Variants in VAC14 observed in about 807,000 individuals in gnomAD.
VAC14 encodes protein VAC14 homolog.
Under a neutral mutation model 85.3 loss-of-function variants are expected in VAC14, and 47 were observed. That is an observed-to-expected ratio of 0.55 (90% CI 0.44 to 0.70). The LOEUF is 0.70. Among genes scored for constraint, VAC14 ranks in the 30% least tolerant of loss-of-function variants. VAC14 has a pLI of 0.00. For synonymous variants in VAC14, 447 were observed against 430.5 expected (o/e 1.04, Z -0.47); for missense variants, 861 against 1,004.3 (o/e 0.86, Z 1.93).
At chr16:70,697,533 G>A (rs1185162501) in intron 15 of VAC14, among the ~76,000 whole-genome samples, 1 of 152,236 alleles carries the variant, frequency 6.6e-6, no homozygotes, top group Non-Finnish European at 1.5e-5. Context: ...TGGCATGTCT[G>A]CCCTTGGCAA....
At chr16:70,799,344 G>T (rs1301482816) in intron 1 of VAC14, among the ~76,000 whole-genome samples, 1 of 152,144 alleles carries the variant, frequency 6.6e-6, no homozygotes, top group African/African-American at 2.4e-5. Context: ...CTATATAAAA[G>T]GAGCAGTCAA....
At chr16:70,786,000 C>T in intron 2 of VAC14, 131 bp from the exon 3 acceptor site, 1 of 1,338,898 alleles carries the variant, frequency 7.5e-7, no homozygotes, top group Admixed American at 2.6e-5. Flanking sequence ...GGCTCAAAGA[C>T]CCTTCCCAAG....
At chr16:70,741,761 G>A (rs1209829154) in intron 13 of VAC14, among the ~76,000 whole-genome samples, 1 of 152,234 alleles carries the variant, frequency 6.6e-6, no homozygotes, top group East Asian at 1.9e-4. Flanking sequence ...GCTGATGTGA[G>A]CTAATCTGAC....
At chr16:70,799,496 T>C (rs2034679161) in intron 1 of VAC14, among the ~76,000 whole-genome samples, 2 of 152,160 alleles carry the variant, frequency 1.3e-5, no homozygotes, top group East Asian at 3.8e-4. Flanking sequence ...AAGCAACATT[T>C]GATTTGGATT....
chr16:70,772,226 A>G, intron 9 of VAC14, 54 bp from the exon 10 acceptor site: 1 of 1,473,060 alleles, frequency 6.8e-7, no homozygotes. Flanking sequence ...TCTCTTGAAT[A>G]AACAAGACCC....
chr16:70,764,872 C>G (rs1300880273), intron 10 of VAC14, among the ~76,000 whole-genome samples: 1 of 152,202 alleles, frequency 6.6e-6, no homozygotes, highest in Non-Finnish European at 1.5e-5. Flanking sequence ...TCATCTCTGG[C>G]AGTTTCCTAG....
Position 70,689,153 on chromosome 16 carries a change from G to T in VAC14, c.2187-1063C>A, listed in dbSNP as rs999359776. The T allele has an allele frequency of 1.6e-5, 16 of 971,856 alleles. No individual in the cohort carries two copies. In the African/African-American group the frequency reaches 2.1e-4, roughly 13 times the overall value. 60.2% of individuals were successfully genotyped at this position (971,856 alleles called of 1,614,324 possible). A position where few individuals can be genotyped will look rare whatever the true frequency, so the allele number is the denominator to read the frequency against. ...TAACTCCACCGCTTCCTAGCGGTGT[G>T]ACTTGAGCATGTGACTGTTTCCTCA... On this transcript the variant is annotated intron_variant, in intron 18 of 18. Coordinates refer to ENST00000261776, the MANE Select transcript of VAC14 (RefSeq NM_018052.5).
chr16:70,763,797 T>C (rs2032596421), intron 10 of VAC14, among the ~76,000 whole-genome samples: 1 of 152,192 alleles, frequency 6.6e-6, no homozygotes, highest in Non-Finnish European at 1.5e-5. Flanking sequence ...TCCCCAAAGT[T>C]CTGCTAAGCA....
chr16:70,725,285 C>A (rs1322341405), intron 14 of VAC14, among the ~76,000 whole-genome samples: 1 of 152,238 alleles, frequency 6.6e-6, no homozygotes, highest in African/African-American at 2.4e-5. Flanking sequence ...GATGTGGGAG[C>A]TGGGCTTGGG....
chr16:70,763,147 G>C (rs1028414181), intron 10 of VAC14, 122 bp from the exon 11 acceptor site: 10 of 1,409,618 alleles, frequency 7.1e-6, no homozygotes, highest in African/African-American at 1.4e-5. Flanking sequence ...CCGTCTAGGG[G>C]GATCGGGGGT....
Position 70,790,766 on chromosome 16 carries a change from A to G in VAC14, c.105-4401T>C, listed in dbSNP as rs530829072. On this transcript the variant is annotated intron_variant, in intron 1 of 18. Coordinates refer to ENST00000261776, the MANE Select transcript of VAC14 (RefSeq NM_018052.5). ...GTCCTACTAGGACTCAATTCAGAGC[A>G]CCCCAGGCCACTACAAAAATGACAG... Among the ~76,000 whole-genome samples, 39 of 152,066 alleles carry G rather than the reference A, an allele frequency of 2.6e-4. 1 individual carries two copies. The highest frequency in any genetic ancestry group is 3.4e-3 in the Middle Eastern group (1 of 294).
At chr16:70,739,485 G>T (rs2030044093) in intron 13 of VAC14, among the ~76,000 whole-genome samples, 1 of 152,196 alleles carries the variant, frequency 6.6e-6, no homozygotes, top group South Asian at 2.1e-4. Context: ...TGTGCCCATG[G>T]CCTGGCCCCT....
In VAC14 at chr16:70,687,750, G is replaced by C. The variant is rs966208818; in HGVS notation, c.*178C>G. 36 of 610,014 alleles carry C rather than the reference G, an allele frequency of 5.9e-5. No homozygotes were observed. Among genetic ancestry groups the C allele is most frequent in the Non-Finnish European group, 7.7e-5 (32 of 414,828 alleles). The allele number at this position is 610,014 out of a possible 1,614,324, so 37.8% of individuals were successfully genotyped here. On this transcript the variant is annotated 3_prime_UTR_variant, in exon 19 of 19. Transcript: ENST00000261776. ...TGCAGCTGACAGCGCTGGAGGCCTG[G>C]GGACTGGACTCTGAGAGGAGCTTGG...
intron 12 of VAC14, chr16:70,761,302 ACT>A (rs1453804163): frequency 6.4e-6 from 2 of 311,558 alleles, no homozygotes; most frequent in Admixed American, 4.1e-5. Context: ...AGCCTCATCC[ACT>A]CTCTGCAGTG....
rs773942232 is a variant in VAC14, at chr16:70,688,087, G to T, written c.2190C>A (p.Asp730Glu). The change falls in exon 19 of 19, where the codon GAC becomes GAA. Residue 730 changes from aspartate (D) to glutamate (E), a missense_variant. This residue lies in a region of VAC14 where 163 missense variants were observed against 162.2 expected (regional missense o/e 1.00). Coordinates refer to ENST00000261776, the MANE Select transcript of VAC14 (RefSeq NM_018052.5). ...GGGACTTGGGGGCTGCCTTTAGACT[G>T]TCTCTGGGAAGAGGGAGCAGAAATG... ...VPNPELLQTE[D>E]SLKAAPKSQK... 48 of 1,569,410 alleles carry T rather than the reference G, an allele frequency of 3.1e-5. No homozygotes were observed. In the Middle Eastern group the frequency reaches 5.1e-4, roughly 17 times the overall value.
At chr16:70,751,316 G>C (rs2031368688) in intron 12 of VAC14, among the ~76,000 whole-genome samples, 1 of 152,248 alleles carries the variant, frequency 6.6e-6, no homozygotes, top group Non-Finnish European at 1.5e-5. Context: ...GACACACTTG[G>C]TACTGGCGGG....
rs535299900 is a variant in VAC14, at chr16:70,716,413, C to A, written c.1661+15082G>T. ...GAACTCCCCAGTGCTCTTGTCCAGC[C>A]CCTATAAGATGTTCCCATCTCCCTG... On this transcript the variant is annotated intron_variant, in intron 14 of 18. Transcript: ENST00000261776. The A allele has an allele frequency of 2.6e-5, 4 of 152,438 alleles. No homozygotes were observed. In the South Asian group the frequency reaches 8.3e-4, roughly 32 times the overall value. 9.4% of individuals were successfully genotyped at this position (152,438 alleles called of 1,614,324 possible). A position where few individuals can be genotyped will look rare whatever the true frequency, so the allele number is the denominator to read the frequency against.
Position 70,697,165 on chromosome 16 carries a change from C to T in VAC14, c.1929G>A (p.Arg643=), listed in dbSNP as rs1349290750. The part of the protein sequence containing the change: ...VSLCFLTQNY[R]HAYDLIQKFG... ...ACTTCTGGATGAGGTCATAGGCGTG[C>T]CGGTAGTTCTGGGTGAGGAAGCAGA... The change falls in exon 16 of 19, where the codon CGG becomes CGA. Residue 643 remains arginine (R), a synonymous_variant. Transcript: ENST00000261776. 2 of 1,613,702 alleles carry T rather than the reference C, an allele frequency of 1.2e-6. No individual in the cohort carries two copies. Among genetic ancestry groups the T allele is most frequent in the African/African-American group, 2.7e-5 (2 of 74,924 alleles).
At chr16:70,754,316 C>A (rs529074334) in intron 12 of VAC14, among the ~76,000 whole-genome samples, 7 of 152,270 alleles carry the variant, frequency 4.6e-5, no homozygotes, top group Non-Finnish European at 1.0e-4. Flanking sequence ...CCTTGCCATT[C>A]CCCTCTCTTC....
Sources: allele counts gnomAD v4.1 joint callset (sites outside exome capture counted in the v4.1 genomes callset), GRCh38; gene constraint gnomAD v4.1.1; regional missense constraint gnomAD v4.1.1; transcripts MANE v1.5; gene names NCBI Gene and HGNC (gene_info 2026-07-23, HGNC 2026-07-21).